The following ATAD5 variants were observed in gnomAD, a reference collection of about 807,000 sequenced individuals.
The protein encoded by ATAD5 is ATPase family AAA domain containing 5.
ATAD5 carries 58 observed loss-of-function variants against 176.9 expected under a neutral mutation model. The ratio of observed to expected loss-of-function variants is 0.33; its 90% CI spans 0.27 to 0.41. ATAD5 has a LOEUF of 0.41. Ranked by LOEUF, ATAD5 falls within the 10% of genes least tolerant of loss-of-function variation. The pLI is 1.00. For synonymous variants in ATAD5, 640 were observed against 712.6 expected, an observed-to-expected ratio of 0.90 and a Z score of 1.62; for missense variants, 1,789 against 2,094.1, an observed-to-expected ratio of 0.85 and a Z score of 2.84.
intron 22 of ATAD5, 45 bp from the exon 23 acceptor site, chr17:30,894,790 G>A (rs753858259): frequency 6.4e-7 from 1 of 1,555,634 alleles, no homozygotes; most frequent in Admixed American, 2.0e-5. Context: ...TTCATAAGAT[G>A]AAAATGTTAA....
Position 30,872,622 on chromosome 17 carries a change from C to T in ATAD5, c.3607+2976C>T, listed in dbSNP as rs189083414. Reference sequence around the variant, plus strand: ...CTGGGCTAGAGTGCAGTGGTGCGATCTTGGTGCACTGCAAGCTCTGCCTCC... The same window carrying T: ...CTGGGCTAGAGTGCAGTGGTGCGATTTTGGTGCACTGCAAGCTCTGCCTCC... On this transcript the variant is annotated intron_variant, in intron 14 of 22. Transcript: ENST00000321990. Among the ~76,000 whole-genome samples, 13 of 149,070 alleles carry T rather than the reference C, an allele frequency of 8.7e-5. 1 individual carries two copies. Among genetic ancestry groups the T allele is most frequent in the African/African-American group, 2.7e-4 (11 of 40,282 alleles).
rs140965748 is a variant in ATAD5 at position 30,869,020 on chromosome 17, A to G, written c.3314-228A>G. Among the ~76,000 whole-genome samples, 77 of 150,572 alleles carry G rather than the reference A, an allele frequency of 5.1e-4. 1 individual carries two copies. The highest frequency in any genetic ancestry group is 1.7e-3 in the African/African-American group (70 of 40,972). The stretch of plus-strand genomic sequence containing the variant: ...CCTGGCTAATTTTTGTATTTTTAGT[A>G]GAGATGGGGTTTGGCCAGGCTGGTC... On this transcript the variant is annotated intron_variant, in intron 12 of 22. Coordinates refer to ENST00000321990, the MANE Select transcript of ATAD5 (RefSeq NM_024857.5).
rs112921454 is a variant in ATAD5, at chr17:30,835,000, G to A, written c.919G>A (p.Glu307Lys). 886 of 1,614,000 alleles carry A rather than the reference G, an allele frequency of 5.5e-4. 1 individual carries two copies. Among genetic ancestry groups the A allele is most frequent in the Non-Finnish European group, 6.8e-4 (808 of 1,179,980 alleles). Reference protein sequence around the residue: ...DEIVKSGYISESENSEISQQV... With the variant: ...DEIVKSGYISKSENSEISQQV... ...AATAGTCAAAAGTGGTTATATAAGT[G>A]AATCAGAAAACTCCGAAATTTCCCA... Residue 307 changes from glutamate (E) to lysine (K), a missense_variant, in exon 2 of 23, where the codon GAA becomes AAA. By Grantham distance (56) the Glu-to-Lys change is moderately conservative. Around this residue, in one of 6 missense-constraint regions of ATAD5, gnomAD observed 696 missense variants for 712.5 expected, o/e 0.98. Transcript: ENST00000321990.
chr17:30,850,833 T>TTTTATATA (rs1158266099), intron 6 of ATAD5, among the ~76,000 whole-genome samples: 16 of 27,840 alleles, frequency 5.7e-4, no homozygotes, highest in East Asian at 9.8e-4. Flanking sequence ...TTATATATTT[T>TTTTATATA]TATATATATA....
Position 30,835,895 on chromosome 17 carries a change from C to T in ATAD5, c.1814C>T (p.Thr605Ile). ...RRSGRISSTPTTETIRGIDSD... is the reference protein window; with the variant it reads ...RRSGRISSTPITETIRGIDSD... ...TCTGGAAGAATTAGCAGCACACCTACTACAGAAACCATTAGAGGTATTGAT... is the reference window on the plus strand; with the variant it reads ...TCTGGAAGAATTAGCAGCACACCTATTACAGAAACCATTAGAGGTATTGAT... Residue 605 changes from threonine (T) to isoleucine (I), a missense_variant, in exon 2 of 23, where the codon ACT becomes ATT. This residue lies in a region of ATAD5 where 696 missense variants were observed against 712.5 expected (regional missense o/e 0.98). Transcript: ENST00000321990. 1 of 1,614,130 alleles carries T rather than the reference C, an allele frequency of 6.2e-7. No individual in the cohort carries two copies. The highest frequency in any genetic ancestry group is 8.5e-7 in the Non-Finnish European group (1 of 1,180,016).
At position 30,887,355 on chromosome 17, in the gene ATAD5, G is replaced by A. The variant is rs772327160; in HGVS notation, c.4241G>A (p.Arg1414Gln). Residue 1414 changes from arginine to glutamine, a missense_variant, in exon 19 of 23, where the codon CGA (arginine) becomes CAA (glutamine). By Grantham distance (43) the Arg-to-Gln change is conservative. Transcript: ENST00000321990. ...AGTGGAGGTGGAGTTTTAGAAGAACGACCATTAACCCTTTATCGTAAGTTG... is the reference window on the plus strand; with the variant it reads ...AGTGGAGGTGGAGTTTTAGAAGAACAACCATTAACCCTTTATCGTAAGTTG... ...IRSGGGVLEE[R>Q]PLTLYRGNSR... is the part of the protein sequence containing the mutation. 19 of 1,602,664 alleles carry A rather than the reference G, an allele frequency of 1.2e-5. No homozygotes were observed. Among genetic ancestry groups the A allele is most frequent in the African/African-American group, 2.7e-5 (2 of 74,148 alleles).
intron 18 of ATAD5, among the ~76,000 whole-genome samples, chr17:30,884,157 G>C (rs1909177970): frequency 6.7e-6 from 1 of 150,246 alleles, no homozygotes; most frequent in South Asian, 2.1e-4. Context: ...TTGGCTTGTT[G>C]TGACCGGCTT....
rs1482336316 is a variant in ATAD5 at position 30,854,368 on chromosome 17, A to AT, written c.2451-775_2451-774insT. On this transcript the variant is annotated intron_variant, in intron 6 of 22. Coordinates refer to ENST00000321990, the MANE Select transcript of ATAD5 (RefSeq NM_024857.5). Reference sequence around the variant, plus strand: ...TAATACATTTTATTAAATTAATTTAAATTTTTTTTTTTTTTTTTTTTGAGA... The same window carrying AT: ...TAATACATTTTATTAAATTAATTTAATATTTTTTTTTTTTTTTTTTTTGAGA... Among the ~76,000 whole-genome samples the AT allele has an allele frequency of 2.1e-4, 17 of 82,236 alleles. No homozygotes were observed. In the South Asian group the frequency reaches 5.7e-3, roughly 28 times the overall value. The allele number at this position is 82,236 out of a possible 152,430, so 54.0% of individuals were successfully genotyped here. A position where few individuals can be genotyped will look rare whatever the true frequency, so the allele number is the denominator to read the frequency against.
chr17:30,868,291 C>CTA (rs764577705), intron 11 of ATAD5, 42 bp from the exon 12 acceptor site: 75 of 1,476,186 alleles, frequency 5.1e-5, no homozygotes, highest in Non-Finnish European at 6.8e-5. Context: ...TAAGGCATAG[C>CTA]TATATTCTGT....
intron 19 of ATAD5, among the ~76,000 whole-genome samples, chr17:30,891,865 G>T (rs1325847760): frequency 6.6e-6 from 1 of 150,442 alleles, no homozygotes; most frequent in African/African-American, 2.4e-5. Flanking sequence ...TTTGTATTTT[G>T]AATAGAGACA....
Position 30,834,332 on chromosome 17 carries a change from TAA to T in ATAD5, c.253_254del (p.Lys85ValfsTer3), listed in dbSNP as rs2142298189. The T allele has an allele frequency of 6.2e-7, 1 of 1,611,726 alleles. No homozygotes were observed. Among genetic ancestry groups the T allele is most frequent in the Non-Finnish European group, 8.5e-7 (1 of 1,179,258 alleles). Reference sequence around the variant, plus strand: ...ACACAATTAGGGAAAGAGTGCAAGATAAAGTCACCTGAATCAGTACCTGTTGA... The same window carrying T: ...ACACAATTAGGGAAAGAGTGCAAGATAGTCACCTGAATCAGTACCTGTTGA... On this transcript the variant is annotated frameshift_variant, in exon 2 of 23. Coordinates refer to ENST00000321990, the MANE Select transcript of ATAD5 (RefSeq NM_024857.5). LOFTEE classifies it high-confidence loss of function.
Position 30,840,693 on chromosome 17 carries a change from C to A in ATAD5, c.2153C>A (p.Ser718Ter). 6.2e-7 allele frequency: 1 copy of A among 1,608,508 alleles called. No individual in the cohort carries two copies. Among genetic ancestry groups the A allele is most frequent in the South Asian group, 1.1e-5 (1 of 89,822 alleles). Residue 718 changes from serine (S) to a stop codon, truncating the protein, a stop_gained, in exon 4 of 23, where the codon TCA becomes TAA. Transcript: ENST00000321990. LOFTEE classifies it high-confidence loss of function. ...GCAAAAGCTTTACACATCAGTAGGT[C>A]AAAGGTGACTGAAGAAATAGCGATA... ...EKAKALHISR[S>*]KVTEEIAIPL... is the part of the protein sequence containing the mutation.
Position 30,894,972 on chromosome 17 carries a change from A to G in ATAD5, c.*59A>G. 1 of 1,133,934 alleles carries G rather than the reference A, an allele frequency of 8.8e-7. No individual in the cohort carries two copies. The highest frequency in any genetic ancestry group is 1.2e-6 in the Non-Finnish European group (1 of 810,328). 70.2% of individuals were successfully genotyped at this position (1,133,934 alleles called of 1,614,324 possible). A position where few individuals can be genotyped will look rare whatever the true frequency, so the allele number is the denominator to read the frequency against. On this transcript the variant is annotated 3_prime_UTR_variant, in exon 23 of 23. Transcript: ENST00000321990. ...CATGTGGTCCTTAAGATACATTTTT[A>G]TATTATGTGGATCTTCATGGAAAAG...
intron 11 of ATAD5, among the ~76,000 whole-genome samples, chr17:30,866,507 AT>A (rs1020894912): frequency 2.0e-5 from 3 of 149,166 alleles, no homozygotes; most frequent in Non-Finnish European, 3.0e-5. Context: ...GAATTCATAT[AT>A]TTTTTAATAA....
intron 1 of ATAD5, among the ~76,000 whole-genome samples, chr17:30,832,615 C>T (rs575819690): frequency 6.7e-6 from 1 of 148,364 alleles, no homozygotes; most frequent in South Asian, 2.3e-4. Context: ...CATTTGGATT[C>T]TGAGATATTT....
At chr17:30,849,019 C>T (rs565474379) in intron 6 of ATAD5, among the ~76,000 whole-genome samples, 9 of 152,156 alleles carry the variant, frequency 5.9e-5, no homozygotes, top group African/African-American at 2.2e-4. Context: ...GACAGGCCTA[C>T]GCCACCATGC....
intron 1 of ATAD5, among the ~76,000 whole-genome samples, chr17:30,832,867 G>A (rs979663778): frequency 1.3e-5 from 2 of 152,168 alleles, no homozygotes; most frequent in Admixed American, 1.3e-4. Flanking sequence ...AATCAAGCAA[G>A]GTACTTAAAG....
chr17:30,860,727 T>C, intron 10 of ATAD5, 115 bp downstream of exon 10: 1 of 885,272 alleles, frequency 1.1e-6, no homozygotes. Flanking sequence ...TTCAATTGTA[T>C]TTTAATTTTA....
chr17:30,846,720 T>G (rs1906528970), intron 6 of ATAD5, among the ~76,000 whole-genome samples: 2 of 147,142 alleles, frequency 1.4e-5, no homozygotes. Flanking sequence ...AATTTTTCTC[T>G]CTTTTTTTTT....
Sources: allele counts gnomAD v4.1 joint callset (sites outside exome capture counted in the v4.1 genomes callset), GRCh38; gene constraint gnomAD v4.1.1; regional missense constraint gnomAD v4.1.1; transcripts MANE v1.5; gene names NCBI Gene and HGNC (gene_info 2026-07-23, HGNC 2026-07-21).